Variants in TERB1 observed in about 807,000 individuals in gnomAD.
TERB1 encodes telomere repeat binding bouquet formation protein 1.
Under a neutral mutation model 92.3 loss-of-function variants are expected in TERB1, and 63 were observed. The observed-to-expected ratio is 0.68, with a 90% CI of 0.56 to 0.84. The LOEUF (loss-of-function observed/expected upper bound fraction) is 0.84, where lower values mean the gene tolerates loss of function less well. Ranked by LOEUF, TERB1 falls within the 40% of genes least tolerant of loss-of-function variation. TERB1 has a pLI of 0.00. For synonymous variants in TERB1, 252 were observed against 283.9 expected (o/e 0.89, Z 1.13); for missense variants, 709 against 843.7 (o/e 0.84, Z 1.98).
chr16:66,793,799 C>T (rs2018879709), intron 3 of TERB1, among the ~76,000 whole-genome samples: 1 of 152,156 alleles, frequency 6.6e-6, no homozygotes, highest in Non-Finnish European at 1.5e-5. Context: ...AGACCTGAGC[C>T]ACCACGCCCG....
At chr16:66,801,227 G>A (rs1383561902) in intron 1 of TERB1, among the ~76,000 whole-genome samples, 174 bp from the exon 2 acceptor site, 1 of 152,204 alleles carries the variant, frequency 6.6e-6, no homozygotes, top group Non-Finnish European at 1.5e-5. Context: ...CTGGGGAGGC[G>A]CCTGGGGAGT....
At chr16:66,774,483 C>G (rs903410533) in intron 12 of TERB1, among the ~76,000 whole-genome samples, 13 of 151,990 alleles carry the variant, frequency 8.6e-5, no homozygotes, top group Non-Finnish European at 1.9e-4. Flanking sequence ...CCGCGCCCGG[C>G]CCCAAACATT....
intron 16 of TERB1, among the ~76,000 whole-genome samples, chr16:66,760,948 C>T (rs2145063455): frequency 6.9e-6 from 1 of 144,022 alleles, no homozygotes; most frequent in African/African-American, 2.6e-5. Flanking sequence ...CCCGTCTCTA[C>T]TAAAAATACA....
intron 9 of TERB1, among the ~76,000 whole-genome samples, chr16:66,784,858 C>A (rs2018700000): frequency 6.7e-6 from 1 of 149,982 alleles, no homozygotes; most frequent in African/African-American, 2.5e-5. Context: ...GCCTCCGCCT[C>A]CTGAGTAGCT....
chr16:66,772,675 C>T lies in TERB1; in HGVS notation c.1186G>A (p.Val396Met). The T allele has an allele frequency of 1.9e-6, 3 of 1,549,942 alleles. No homozygotes were observed. Among genetic ancestry groups the T allele is most frequent in the Non-Finnish European group, 2.6e-6 (3 of 1,145,346 alleles). Residue 396 changes from valine (V) to methionine (M), a missense_variant, in exon 13 of 19, where the codon GTG becomes ATG. Physicochemically the swap from Val to Met is conservative, Grantham distance 21. Coordinates refer to ENST00000433154, the MANE Select transcript of TERB1 (RefSeq NM_001136505.2). ...TGCTCTTCAAGATTATTCTCCTTCA[C>T]ACTTATGTCCTTTAATTGCTGTGTT... ...NETQQLKDIS[V>M]KENNLEEHWR...
chr16:66,773,040 T>C (rs1232149447), intron 12 of TERB1, among the ~76,000 whole-genome samples: 1 of 151,830 alleles, frequency 6.6e-6, no homozygotes, highest in African/African-American at 2.4e-5. Context: ...AAGTAGTTAG[T>C]TTTTTAGGCC....
At chr16:66,763,875 C>T (rs1597009842) in intron 16 of TERB1, among the ~76,000 whole-genome samples, 1 of 152,142 alleles carries the variant, frequency 6.6e-6, no homozygotes, top group Non-Finnish European at 1.5e-5. Flanking sequence ...TAGAAGTTGG[C>T]CACGCAGATA....
At chr16:66,760,384 G>A (rs1357394682) in intron 16 of TERB1, among the ~76,000 whole-genome samples, 12 of 140,728 alleles carry the variant, frequency 8.5e-5, no homozygotes, top group Non-Finnish European at 1.7e-4. Flanking sequence ...ACTTGAACCC[G>A]CCAGGCGGAG....
chr16:66,782,465 A>G (rs1044400538), intron 9 of TERB1, among the ~76,000 whole-genome samples: 1 of 151,420 alleles, frequency 6.6e-6, no homozygotes, highest in Non-Finnish European at 1.5e-5. Flanking sequence ...CAGGAGAATC[A>G]CTTGAGCCTG....
At chr16:66,764,083 A>ACT (rs5817600) in intron 16 of TERB1, among the ~76,000 whole-genome samples, 76,638 of 151,806 alleles carry the variant, frequency 0.5, 20,217 homozygotes, top group African/African-American at 0.64. Flanking sequence ...AGGAATTTTA[A>ACT]CTCTTCAAGG....
intron 12 of TERB1, among the ~76,000 whole-genome samples, chr16:66,774,683 CTTT>C (rs1555508412): frequency 2.0e-4 from 8 of 40,178 alleles, no homozygotes; most frequent in Admixed American, 2.9e-4. Flanking sequence ...CTCTGATTTT[CTTT>C]TTTTTTTTTT....
intron 18 of TERB1, 89 bp from the exon 19 acceptor site, chr16:66,755,252 T>G: frequency 1.3e-6 from 1 of 761,432 alleles, no homozygotes; most frequent in Non-Finnish European, 2.1e-6. Context: ...GCTTAACTTA[T>G]ACCTAAGGAT....
intron 16 of TERB1, among the ~76,000 whole-genome samples, chr16:66,766,369 AATG>A (rs2018347063): frequency 6.6e-6 from 1 of 152,192 alleles, no homozygotes; most frequent in Non-Finnish European, 1.5e-5. Flanking sequence ...AGGGAAGAAC[AATG>A]ATGTTCTGAG....
chr16:66,795,296 C>G (rs1458444077), intron 3 of TERB1, among the ~76,000 whole-genome samples: 3 of 152,164 alleles, frequency 2.0e-5, no homozygotes, highest in Non-Finnish European at 4.4e-5. Flanking sequence ...CTGATGGGAG[C>G]TGATGGATAA....
intron 18 of TERB1, among the ~76,000 whole-genome samples, chr16:66,757,908 TAA>T (rs757418844): frequency 1.2e-4 from 18 of 152,374 alleles, no homozygotes; most frequent in Non-Finnish European, 1.2e-4. Context: ...ACTAATTGTT[TAA>T]GAGGCATTTT....
chr16:66,776,475 A>C (rs150184990), intron 11 of TERB1, among the ~76,000 whole-genome samples: 2 of 152,222 alleles, frequency 1.3e-5, no homozygotes, highest in East Asian at 3.8e-4. Flanking sequence ...GGGTATAATC[A>C]ATCCTAAATT....
At chr16:66,776,433 T>C (rs112988324) in intron 11 of TERB1, among the ~76,000 whole-genome samples, 10 of 152,060 alleles carry the variant, frequency 6.6e-5, no homozygotes, top group African/African-American at 1.9e-4. Flanking sequence ...TCATAACTCA[T>C]AAGAGTCAAC....
intron 18 of TERB1, among the ~76,000 whole-genome samples, chr16:66,756,401 T>G (rs971455480): frequency 1.3e-5 from 2 of 152,250 alleles, no homozygotes; most frequent in South Asian, 4.1e-4. Context: ...GTAAGCTCCA[T>G]GAGGGCAGCA....
chr16:66,765,461 C>CTTTT (rs887640658), intron 16 of TERB1, among the ~76,000 whole-genome samples: 2 of 144,316 alleles, frequency 1.4e-5, no homozygotes, highest in African/African-American at 2.5e-5. Flanking sequence ...TTCTTTCTTT[C>CTTTT]TTTTTTTTTT....
Sources: gnomAD v4.1 joint callset for allele counts (sites outside exome capture counted in the v4.1 genomes callset) on GRCh38, gnomAD v4.1.1 for gene constraint, MANE v1.5 for transcripts, NCBI Gene and HGNC (gene_info 2026-07-23, HGNC 2026-07-21) for gene names.